Variants in PDZD2 observed in about 807,000 individuals in gnomAD.
The protein encoded by PDZD2 is PDZ domain-containing protein 2.
PDZD2 carries 90 observed loss-of-function variants against 220.7 expected under a neutral mutation model. The ratio of observed to expected loss-of-function variants is 0.41; its 90% confidence interval spans 0.34 to 0.49. The LOEUF (loss-of-function observed/expected upper bound fraction) is 0.49, where lower values mean the gene tolerates loss of function less well. Among genes scored for constraint, PDZD2 ranks in the 20% least tolerant of loss-of-function variants. The pLI, the probability that PDZD2 is intolerant of heterozygous loss-of-function variation, is 0.28. For missense variants in PDZD2, 3,174 were observed against 3,608.5 expected (o/e 0.88, Z 3.08); for synonymous variants, 1,375 against 1,450.5 (o/e 0.95, Z 1.18).
In PDZD2 at chr5:32,104,728, A is replaced by C. The variant is rs1456433096; in HGVS notation, c.8354-3241A>C. 2.8e-5 allele frequency among the ~76,000 whole-genome samples: 4 copies of C among 141,980 alleles called. No homozygotes were observed. In the South Asian group the frequency reaches 8.6e-4, roughly 30 times the overall value. 93.1% of individuals were successfully genotyped at this position (141,980 alleles called of 152,430 possible). On this transcript the variant is annotated intron_variant, in intron 24 of 24. Transcript: ENST00000438447. The stretch of plus-strand genomic sequence containing the variant: ...AGAAGGCTCCATCTAAAAAAAAAAA[A>C]AAAAAAAAAAAAAAAAAACATATAA...
At chr5:31,757,954 CT>C (rs1751398221) in intron 1 of PDZD2, among the ~76,000 whole-genome samples, 1 of 152,202 alleles carries the variant, frequency 6.6e-6, no homozygotes, top group African/African-American at 2.4e-5. Flanking sequence ...TGAATTAACT[CT>C]TGTTTTTATT....
chr5:32,092,640 T>TTAA (rs1581479220), intron 20 of PDZD2, among the ~76,000 whole-genome samples: 2 of 152,194 alleles, frequency 1.3e-5, no homozygotes, highest in African/African-American at 4.8e-5. Context: ...AAGTGTCCTG[T>TTAA]TAAGCTCCAG....
At chr5:32,033,183 A>C (rs1755257623) in intron 6 of PDZD2, among the ~76,000 whole-genome samples, 1 of 152,250 alleles carries the variant, frequency 6.6e-6, no homozygotes, top group African/African-American at 2.4e-5. Flanking sequence ...ATTTCGTTTC[A>C]GAACAGCTAA....
chr5:32,063,330 G>A (rs536710151), intron 14 of PDZD2, among the ~76,000 whole-genome samples: 7 of 152,092 alleles, frequency 4.6e-5, no homozygotes, highest in South Asian at 2.1e-4. Context: ...CACCACGCCC[G>A]GTCTGAGAAT....
At chr5:32,079,269 CAAAAAAAAAACA>C (rs1459214290) in intron 19 of PDZD2, among the ~76,000 whole-genome samples, 2 of 82,838 alleles carry the variant, frequency 2.4e-5, no homozygotes, top group African/African-American at 1.1e-4. Context: ...AAAAAAAAAA[CAAAAAAAAAACA>C]AAAAAAAAAA....
chr5:32,041,922 A>AAAAAG (rs1554031854), intron 7 of PDZD2, among the ~76,000 whole-genome samples: 5 of 149,674 alleles, frequency 3.3e-5, no homozygotes, highest in Non-Finnish European at 4.5e-5. Flanking sequence ...AAAAAAAAAA[A>AAAAAG]AAAACATCAA....
chr5:31,987,903 G>A (rs1750839291), intron 3 of PDZD2, among the ~76,000 whole-genome samples: 1 of 152,168 alleles, frequency 6.6e-6, no homozygotes, highest in African/African-American at 2.4e-5. Context: ...ACTGCCTTCT[G>A]CCATGTCTGG....
chr5:31,992,746 A>G (rs1751318008), intron 3 of PDZD2, among the ~76,000 whole-genome samples: 1 of 152,010 alleles, frequency 6.6e-6, no homozygotes, highest in Admixed American at 6.6e-5. Flanking sequence ...AAAGAGGTTC[A>G]CAGCTTTTCT....
rs571955076 is a variant in PDZD2 at position 31,854,011 on chromosome 5, C to T, written c.476+54287C>T. Among the ~76,000 whole-genome samples the T allele has an allele frequency of 3.9e-5, 6 of 152,250 alleles. No individual in the cohort carries two copies. The East Asian group carries it at 9.6e-4, about 24-fold the overall frequency. On this transcript the variant is annotated intron_variant, in intron 2 of 24. Coordinates refer to ENST00000438447, the MANE Select transcript of PDZD2 (RefSeq NM_178140.4). ...CGTTCCATAAAGGCTTGAGGTTTGG[C>T]ACCAGTGACGCTTTTACTTTTCAAC...
chr5:32,011,026 C>A (rs71584576), intron 6 of PDZD2, among the ~76,000 whole-genome samples: 44,744 of 126,126 alleles, frequency 0.35, 9,606 homozygotes, highest in African/African-American at 0.57. Context: ...AAAAAAACAA[C>A]AACAACAACA....
At position 32,074,566 on chromosome 5, in the gene PDZD2, G is replaced by C. The variant is rs34139068; in HGVS notation, c.3460G>C (p.Asp1154His). 4.4e-4 allele frequency: 715 copies of C among 1,613,968 alleles called. 2 individuals are homozygous for C. The African/African-American group carries it at 8.6e-3, about 19-fold the overall frequency. ...GACTGGCAGAGCCAATGATCCATGC[G>C]ATCTGGACTCGAGAGTCCAGGCCAC... is the stretch of plus-strand genomic sequence containing the variant. ...NLTGRANDPCDLDSRVQATSV... is the reference protein window; with the variant it reads ...NLTGRANDPCHLDSRVQATSV... The change falls in exon 18 of 25, where the codon GAT (aspartate) becomes CAT (histidine). Residue 1154 changes from aspartate to histidine, a missense_variant. Around this residue, in one of 4 missense-constraint regions of PDZD2, gnomAD observed 1,861 missense variants for 2,001.0 expected, o/e 0.93. Coordinates refer to ENST00000438447, the MANE Select transcript of PDZD2 (RefSeq NM_178140.4).
At chr5:31,834,048 G>C (rs1053256293) in intron 2 of PDZD2, among the ~76,000 whole-genome samples, 1 of 152,224 alleles carries the variant, frequency 6.6e-6, no homozygotes, top group South Asian at 2.1e-4. Context: ...TTGATGCAAT[G>C]GCTGGACATT....
intron 2 of PDZD2, among the ~76,000 whole-genome samples, chr5:31,921,104 T>C (rs1744212857): frequency 6.6e-6 from 1 of 152,206 alleles, no homozygotes; most frequent in Admixed American, 6.5e-5. Context: ...TCACAAAACA[T>C]TCTGTCCCCC....
At chr5:31,654,447 C>T (rs1010848224) in intron 1 of PDZD2, among the ~76,000 whole-genome samples, 1 of 152,076 alleles carries the variant, frequency 6.6e-6, no homozygotes, top group Admixed American at 6.6e-5. Context: ...TCTGTGATTC[C>T]TGTCTGCGAT....
At chr5:31,785,065 C>T (rs1753301133) in intron 1 of PDZD2, among the ~76,000 whole-genome samples, 1 of 152,156 alleles carries the variant, frequency 6.6e-6, no homozygotes, top group Non-Finnish European at 1.5e-5. Context: ...ACCTGGGTCT[C>T]CTTAGTCCAA....
At chr5:31,725,953 G>A (rs559715479) in intron 1 of PDZD2, 73 of 619,640 alleles carry the variant, frequency 1.2e-4, no homozygotes, top group Admixed American at 4.4e-4. Context: ...TGCCGCATGC[G>A]TAACAGATGA....
intron 1 of PDZD2, among the ~76,000 whole-genome samples, chr5:31,694,345 T>C (rs1747278345): frequency 6.6e-6 from 1 of 152,062 alleles, no homozygotes; most frequent in Non-Finnish European, 1.5e-5. Context: ...TGAGCCAAGA[T>C]TGCGTCACTG....
chr5:32,107,395 A>C lies in PDZD2; in HGVS notation c.8354-574A>C, dbSNP rs570124090. Reference sequence around the variant, plus strand: ...CATGGCAAGACCCCATCTCTACCAAAAATATAAAAAAAAAAGCTGTGCATG... The same window carrying C: ...CATGGCAAGACCCCATCTCTACCAACAATATAAAAAAAAAAGCTGTGCATG... On this transcript the variant is annotated intron_variant, in intron 24 of 24. Coordinates refer to ENST00000438447, the MANE Select transcript of PDZD2 (RefSeq NM_178140.4). The C allele has an allele frequency of 3.3e-5, 5 of 150,532 alleles. No individual in the cohort carries two copies. The East Asian group carries it at 9.6e-4, about 29-fold the overall frequency. The allele number at this position is 150,532 out of a possible 1,614,324, so 9.3% of individuals were successfully genotyped here.
chr5:31,731,000 C>T (rs748694340), intron 1 of PDZD2, among the ~76,000 whole-genome samples: 2 of 152,084 alleles, frequency 1.3e-5, no homozygotes, highest in Non-Finnish European at 2.9e-5. Flanking sequence ...CTAGTTAAAG[C>T]GAAAATACTT....
Sources: allele counts gnomAD v4.1 joint callset (sites outside exome capture counted in the v4.1 genomes callset), GRCh38; gene constraint gnomAD v4.1.1; regional missense constraint gnomAD v4.1.1; transcripts MANE v1.5; gene names NCBI Gene and HGNC (gene_info 2026-07-23, HGNC 2026-07-21).